FOXP4: variants seen among roughly 807,000 people sequenced by gnomAD.
The protein encoded by FOXP4 is forkhead box P4.
A neutral mutation model predicts 82.6 loss-of-function variants in FOXP4; 25 were observed. That is an observed-to-expected ratio of 0.30 (90% CI 0.22 to 0.42). The LOEUF (loss-of-function observed/expected upper bound fraction) is 0.42, where lower values mean the gene tolerates loss of function less well. Ranked by LOEUF, FOXP4 falls within the 10% of genes least tolerant of loss-of-function variation. The pLI is 1.00. For synonymous variants in FOXP4, 415 were observed against 388.2 expected, an observed-to-expected ratio of 1.07 and a Z score of -0.81; for missense variants, 785 against 900.9, an observed-to-expected ratio of 0.87 and a Z score of 1.65.
At chr6:41,584,747 G>T in intron 3 of FOXP4, 22 bp from the exon 4 acceptor site, 1 of 1,566,164 alleles carries the variant, frequency 6.4e-7, no homozygotes, top group Admixed American at 1.9e-5. Flanking sequence ...AGGGGACAGG[G>T]CTAACGGGCC....
At chr6:41,557,556 G>A (rs1764343886) in intron 1 of FOXP4, among the ~76,000 whole-genome samples, 1 of 152,202 alleles carries the variant, frequency 6.6e-6, no homozygotes. Flanking sequence ...AAGCAACTGT[G>A]TGACCATTAG....
intron 1 of FOXP4, among the ~76,000 whole-genome samples, chr6:41,556,677 G>T (rs1764297624): frequency 6.6e-6 from 1 of 152,168 alleles, no homozygotes. Context: ...CCGAGGCCTT[G>T]CTGCGTCATG....
At chr6:41,588,842 A>G (rs1399033739) in intron 9 of FOXP4, 111 bp downstream of exon 9, 5 of 1,178,040 alleles carry the variant, frequency 4.2e-6, no homozygotes, top group East Asian at 2.4e-5. Flanking sequence ...GAAGGGTCCT[A>G]TGGTCAAAGC....
At chr6:41,584,284 T>C (rs1257854200) in intron 3 of FOXP4, among the ~76,000 whole-genome samples, 1 of 152,220 alleles carries the variant, frequency 6.6e-6, no homozygotes, top group Middle Eastern at 3.2e-3. Context: ...TGCTGTAGAC[T>C]GCCCTCCCAG....
At chr6:41,561,513 G>T (rs1764578095) in intron 1 of FOXP4, among the ~76,000 whole-genome samples, 1 of 152,186 alleles carries the variant, frequency 6.6e-6, no homozygotes, top group Non-Finnish European at 1.5e-5. Context: ...AATTCTCAGA[G>T]CCTCTGCCTT....
At chr6:41,549,094 C>T (rs1763848275) in intron 1 of FOXP4, among the ~76,000 whole-genome samples, 1 of 151,856 alleles carries the variant, frequency 6.6e-6, no homozygotes, top group Non-Finnish European at 1.5e-5. Flanking sequence ...CCAGGGTGAG[C>T]GCTGAATCTC....
At chr6:41,587,952 C>A (rs1215472309) in intron 8 of FOXP4, 55 bp downstream of exon 8, 13 of 902,888 alleles carry the variant, frequency 1.4e-5, no homozygotes, top group Non-Finnish European at 2.0e-5. Flanking sequence ...GGGCCTCTCC[C>A]CCAACCCTGC....
intron 1 of FOXP4, among the ~76,000 whole-genome samples, chr6:41,550,393 C>A (rs1385932771): frequency 3.3e-5 from 5 of 152,332 alleles, no homozygotes; most frequent in African/African-American, 1.2e-4. Flanking sequence ...TATTAATTTG[C>A]TAGCACTGCC....
At chr6:41,578,827 C>G (rs1359609285) in intron 3 of FOXP4, among the ~76,000 whole-genome samples, 1 of 152,138 alleles carries the variant, frequency 6.6e-6, no homozygotes, top group Non-Finnish European at 1.5e-5. Flanking sequence ...ACTCCCCTCC[C>G]CCTCTGCCCA....
intron 8 of FOXP4, 101 bp from the exon 9 acceptor site, chr6:41,588,543 C>G: frequency 8.7e-7 from 1 of 1,154,892 alleles, no homozygotes; most frequent in Non-Finnish European, 1.3e-6. Context: ...CTTGGTCTGT[C>G]TGCTTTTCAG....
rs1764424157 is a variant in FOXP4, at chr6:41,558,947, CT to C, written c.-16-6793del. 6.6e-6 allele frequency among the ~76,000 whole-genome samples: 1 copy of C among 152,206 alleles called. No individual in the cohort carries two copies. The highest frequency in any genetic ancestry group is 2.1e-4 in the South Asian group (1 of 4,828). On this transcript the variant is annotated intron_variant, in intron 1 of 16. Transcript: ENST00000307972. The surrounding 1 kb of genome is among the most constrained non-coding windows in gnomAD (Gnocchi z 4.0). ...TGTGCTCTGGTATCCACATGTGTAT[CT>C]TTTTATATAATCTAGAAATGTATGT...
chr6:41,587,522 TC>T lies in FOXP4; in HGVS notation c.872+12del. ...CATCTCGGAGAGACAGGTACAGGGG[TC>T]CAGGCTGGGAGGGGCATCAAAGGCC... On this transcript the variant is annotated intron_variant, in intron 7 of 16. Coordinates refer to ENST00000307972, the MANE Select transcript of FOXP4 (RefSeq NM_001012426.2). 6.6e-7 allele frequency: 1 copy of T among 1,512,524 alleles called. No individual in the cohort carries two copies. Among genetic ancestry groups the T allele is most frequent in the South Asian group, 1.3e-5 (1 of 74,784 alleles). 93.7% of individuals were successfully genotyped at this position (1,512,524 alleles called of 1,614,324 possible).
Position 41,601,566 on chromosome 6 carries a change from A to C in FOXP4, c.*2630A>C, listed in dbSNP as rs556710439. 6.6e-6 allele frequency: 1 copy of C among 152,318 alleles called. No homozygotes were observed. The highest frequency in any genetic ancestry group is 2.1e-4 in the South Asian group (1 of 4,816). 9.4% of individuals were successfully genotyped at this position (152,318 alleles called of 1,614,324 possible). ...CGGCTCACTGCAACCTTTGCCTCCC[A>C]GGTTCAAGTGATTCTCCTGCCTCAG... On this transcript the variant is annotated 3_prime_UTR_variant, in exon 17 of 17. Coordinates refer to ENST00000307972, the MANE Select transcript of FOXP4 (RefSeq NM_001012426.2).
intron 2 of FOXP4, among the ~76,000 whole-genome samples, chr6:41,576,055 C>A (rs6458228): frequency 0.35 from 52,734 of 150,188 alleles, 10,021 homozygotes; most frequent in African/African-American, 0.48. Flanking sequence ...CGCAACCCCC[C>A]CCCCCACCCT....
chr6:41,565,910 A>C lies in FOXP4; in HGVS notation c.150A>C (p.Ala50=), dbSNP rs370794495. ...CGGGCAGGGAAGTGACCACGGGTGC[A>C]GACAGCAATGGTGAGATGAGTCCCG... ...SGTGREVTTG[A]DSNGEMSPAE... The change falls in exon 2 of 17, where the codon GCA becomes GCC. Residue 50 remains alanine (A), a synonymous_variant. Coordinates refer to ENST00000307972, the MANE Select transcript of FOXP4 (RefSeq NM_001012426.2). 3.7e-5 allele frequency: 59 copies of C among 1,613,926 alleles called. No homozygotes were observed. Among genetic ancestry groups the C allele is most frequent in the Non-Finnish European group, 4.7e-5 (56 of 1,180,034 alleles).
At chr6:41,554,650 A>G (rs1235039821) in intron 1 of FOXP4, among the ~76,000 whole-genome samples, 1 of 152,108 alleles carries the variant, frequency 6.6e-6, no homozygotes, top group Non-Finnish European at 1.5e-5. Flanking sequence ...ACCTGAGGTC[A>G]GTGGTTCAAG....
intron 3 of FOXP4, among the ~76,000 whole-genome samples, chr6:41,579,704 AGAAAGACAGATAAAAT>A (rs1765688512): frequency 6.6e-6 from 1 of 152,240 alleles, no homozygotes; most frequent in Admixed American, 6.5e-5. Flanking sequence ...TTTCAGAGTC[AGAAAGACAGATAAAAT>A]GATGTTTTTC....
chr6:41,566,672 T>A (rs1224068644), intron 2 of FOXP4, among the ~76,000 whole-genome samples: 1 of 152,174 alleles, frequency 6.6e-6, no homozygotes, highest in African/African-American at 2.4e-5. Context: ...TGGTCCCACC[T>A]GGGGAAAAAG....
chr6:41,575,669 G>A (rs746914708), intron 2 of FOXP4, among the ~76,000 whole-genome samples: 1 of 152,088 alleles, frequency 6.6e-6, no homozygotes, highest in Non-Finnish European at 1.5e-5. Flanking sequence ...CAAAGTAAGA[G>A]AGTCAGTGGG....
Sources: allele counts gnomAD v4.1 joint callset (sites outside exome capture counted in the v4.1 genomes callset), GRCh38; gene constraint gnomAD v4.1.1; non-coding constraint Gnocchi (gnomAD v3.1); transcripts MANE v1.5; gene names NCBI Gene and HGNC (gene_info 2026-07-23, HGNC 2026-07-21).